HECW2: variants seen among roughly 807,000 people sequenced by gnomAD.
The protein encoded by HECW2 is HECT, C2 and WW domain containing E3 ubiquitin protein ligase 2.
A neutral mutation model predicts 175.2 loss-of-function variants in HECW2; 61 were observed. The observed-to-expected ratio is 0.35, with a 90% CI of 0.28 to 0.43. HECW2 has a LOEUF of 0.43. HECW2 is among the 20% of genes least tolerant of loss of function. The pLI, the probability that HECW2 is intolerant of heterozygous loss-of-function variation, is 1.00. For synonymous variants in HECW2, 671 were observed against 731.0 expected (o/e 0.92, Z 1.32); for missense variants, 1,524 against 2,000.5 (o/e 0.76, Z 4.54).
chr2:196,252,279 CCTTGTATCTATTAACTTA>C (rs1688888010), intron 19 of HECW2, among the ~76,000 whole-genome samples: 2 of 151,778 alleles, frequency 1.3e-5, no homozygotes, highest in African/African-American at 2.4e-5. Context: ...ACTTCCCTTC[CCTTGTATCTATTAACTTA>C]CTTGTATCTA....
chr2:196,510,257 G>A (rs1198023331), intron 1 of HECW2, among the ~76,000 whole-genome samples: 6 of 152,186 alleles, frequency 3.9e-5, no homozygotes, highest in African/African-American at 1.2e-4. Flanking sequence ...CAGGCCCTTA[G>A]GAATTCTGTA....
chr2:196,525,662 G>A (rs1178498887), intron 1 of HECW2, among the ~76,000 whole-genome samples: 4 of 150,138 alleles, frequency 2.7e-5, no homozygotes, highest in Non-Finnish European at 5.9e-5. Flanking sequence ...AGCTCTTTTA[G>A]GGCAGGCCTG....
chr2:196,414,618 A>G (rs781618457), intron 2 of HECW2, among the ~76,000 whole-genome samples: 9 of 152,072 alleles, frequency 5.9e-5, no homozygotes. Flanking sequence ...AGCCCTAGAC[A>G]CTAGGCTTCA....
chr2:196,450,489 ATTT>A (rs34937207), intron 1 of HECW2, among the ~76,000 whole-genome samples: 8 of 135,462 alleles, frequency 5.9e-5, no homozygotes, highest in Admixed American at 1.5e-4. Context: ...CAAATATCAG[ATTT>A]TTTTTTTTTT....
intron 1 of HECW2, among the ~76,000 whole-genome samples, chr2:196,451,251 T>C (rs1239971985): frequency 1.3e-5 from 2 of 151,652 alleles, no homozygotes; most frequent in African/African-American, 4.8e-5. Context: ...CTGACCAACA[T>C]GGTGAAACCC....
chr2:196,414,768 C>G (rs968618179), intron 2 of HECW2, among the ~76,000 whole-genome samples: 1 of 152,178 alleles, frequency 6.6e-6, no homozygotes, highest in Admixed American at 6.5e-5. Flanking sequence ...ATCCCCCACA[C>G]CTGGTCCACA....
At chr2:196,256,892 T>G (rs548586148) in intron 18 of HECW2, among the ~76,000 whole-genome samples, 1 of 152,356 alleles carries the variant, frequency 6.6e-6, no homozygotes, top group East Asian at 1.9e-4. Context: ...CCCTTTGAGT[T>G]ATGCTTTGAC....
intron 1 of HECW2, among the ~76,000 whole-genome samples, chr2:196,473,266 A>G (rs529029997): frequency 2.6e-5 from 4 of 152,358 alleles, no homozygotes; most frequent in East Asian, 3.9e-4. Flanking sequence ...ATTGGGCCAC[A>G]AGAAGAAAAT....
chr2:196,472,718 C>T lies in HECW2; in HGVS notation c.-35-39260G>A, dbSNP rs373559824. 5.8e-4 allele frequency among the ~76,000 whole-genome samples: 88 copies of T among 151,962 alleles called. No individual in the cohort carries two copies. In the East Asian group the frequency reaches 9.2e-3, roughly 16 times the overall value. On this transcript the variant is annotated intron_variant, in intron 1 of 28. Transcript: ENST00000644978. ...CTCACTGCAACTTCCACCTCCCGGG[C>T]TCAATCGATTCTCCTGCCTCACCCT...
intron 2 of HECW2, among the ~76,000 whole-genome samples, chr2:196,373,909 G>A (rs1212105425): frequency 6.6e-6 from 1 of 151,218 alleles, no homozygotes; most frequent in African/African-American, 2.4e-5. Context: ...GCGGGCGCCT[G>A]TAGTCCCAGC....
intron 13 of HECW2, among the ~76,000 whole-genome samples, chr2:196,295,837 T>C (rs923993477): frequency 2.0e-5 from 3 of 152,220 alleles, no homozygotes; most frequent in African/African-American, 7.2e-5. Context: ...TAATTAATTA[T>C]GTCATTTCAT....
intron 1 of HECW2, among the ~76,000 whole-genome samples, chr2:196,552,692 C>G (rs1689644602): frequency 6.6e-6 from 1 of 152,174 alleles, no homozygotes; most frequent in Admixed American, 6.5e-5. Flanking sequence ...ACCTCCTCTT[C>G]CTGAGCCTGA....
At chr2:196,488,219 G>T (rs1488568877) in intron 1 of HECW2, among the ~76,000 whole-genome samples, 1 of 152,104 alleles carries the variant, frequency 6.6e-6, no homozygotes, top group Non-Finnish European at 1.5e-5. Context: ...TAGGGAAGAG[G>T]ACCATATCCT....
chr2:196,297,447 G>A (rs1690860285), intron 13 of HECW2, among the ~76,000 whole-genome samples: 2 of 152,154 alleles, frequency 1.3e-5, no homozygotes, highest in African/African-American at 4.8e-5. Flanking sequence ...ATTGCCATTT[G>A]GCAGCAGAAT....
At chr2:196,350,704 C>T (rs534154772) in intron 2 of HECW2, among the ~76,000 whole-genome samples, 11 of 152,074 alleles carry the variant, frequency 7.2e-5, no homozygotes, top group African/African-American at 2.7e-4. Context: ...AAGCAGCTGA[C>T]GGGATAAGGG....
At chr2:196,413,180 C>A (rs1040135109) in intron 2 of HECW2, among the ~76,000 whole-genome samples, 24 of 152,158 alleles carry the variant, frequency 1.6e-4, no homozygotes, top group Non-Finnish European at 2.5e-4. Context: ...TAGAGAGACC[C>A]TGTCACTACA....
intron 4 of HECW2, among the ~76,000 whole-genome samples, chr2:196,330,253 C>T (rs982189751): frequency 6.6e-6 from 1 of 152,082 alleles, no homozygotes; most frequent in Non-Finnish European, 1.5e-5. Flanking sequence ...TAAATTATAC[C>T]TCACAAGAAG....
intron 14 of HECW2, among the ~76,000 whole-genome samples, chr2:196,281,599 C>T (rs776247978): frequency 2.4e-5 from 3 of 124,504 alleles, no homozygotes; most frequent in Non-Finnish European, 4.7e-5. Flanking sequence ...AAGATTGCAC[C>T]ACTGCACTCC....
intron 2 of HECW2, among the ~76,000 whole-genome samples, chr2:196,431,744 T>C (rs1250701641): frequency 6.6e-6 from 1 of 152,156 alleles, no homozygotes; most frequent in African/African-American, 2.4e-5. Context: ...TAAAACACAC[T>C]TAGGGAAAAT....
Sources: allele counts gnomAD v4.1 joint callset (sites outside exome capture counted in the v4.1 genomes callset), GRCh38; gene constraint gnomAD v4.1.1; transcripts MANE v1.5; gene names NCBI Gene and HGNC (gene_info 2026-07-23, HGNC 2026-07-21).